RPS6KC1: variants seen among roughly 807,000 people sequenced by gnomAD.
The protein encoded by RPS6KC1 is inactive ribosomal protein S6 kinase delta-1.
RPS6KC1 carries 54 observed loss-of-function variants against 103.8 expected under a neutral mutation model. That is an observed-to-expected ratio of 0.52 (90% CI 0.42 to 0.65). The LOEUF (loss-of-function observed/expected upper bound fraction) is 0.65, where lower values mean the gene tolerates loss of function less well. Ranked by LOEUF, RPS6KC1 falls within the 30% of genes least tolerant of loss-of-function variation. RPS6KC1 has a pLI of 0.00. For synonymous variants in RPS6KC1, 439 were observed against 438.7 expected (o/e 1.00, Z -0.01); for missense variants, 1,151 against 1,253.8 (o/e 0.92, Z 1.24).
chr1:213,122,419 A>C (rs911657704), intron 5 of RPS6KC1, among the ~76,000 whole-genome samples: 2 of 152,056 alleles, frequency 1.3e-5, no homozygotes, highest in Non-Finnish European at 2.9e-5. Flanking sequence ...TATTTGTGTT[A>C]TTTTCATTTA....
chr1:213,202,148 T>G (rs1301936260), intron 8 of RPS6KC1, among the ~76,000 whole-genome samples: 1 of 152,206 alleles, frequency 6.6e-6, no homozygotes, highest in Non-Finnish European at 1.5e-5. Flanking sequence ...CAGGTCTCTT[T>G]CCAAAACTAT....
the RPS6KC1 span, among the ~76,000 whole-genome samples, chr1:213,593,398 A>G: frequency 1.3e-3 from 200 of 152,332 alleles, 1 homozygote; most frequent in Middle Eastern, 3.4e-3. Flanking sequence ...AGGCTACTGC[A>G]ATAGTCCAGG....
At chr1:213,142,115 C>A (rs2087125311) in intron 6 of RPS6KC1, among the ~76,000 whole-genome samples, 1 of 152,038 alleles carries the variant, frequency 6.6e-6, no homozygotes. Context: ...AACCCTTTAT[C>A]ATTATGTAAT....
At chr1:213,754,094 C>T in the RPS6KC1 span, among the ~76,000 whole-genome samples, 1 of 152,170 alleles carries the variant, frequency 6.6e-6, no homozygotes, top group South Asian at 2.1e-4. Context: ...GTCCTGGTGG[C>T]TGTATTTGTC....
the RPS6KC1 span, among the ~76,000 whole-genome samples, chr1:213,516,946 T>C: frequency 7.4e-4 from 112 of 152,180 alleles, 2 homozygotes; most frequent in Non-Finnish European, 1.9e-4. Flanking sequence ...TCTTCCTGGT[T>C]TAGTCTTGGG....
the RPS6KC1 span, among the ~76,000 whole-genome samples, chr1:213,475,555 G>A: frequency 2.0e-5 from 3 of 152,088 alleles, no homozygotes; most frequent in Non-Finnish European, 4.4e-5. Flanking sequence ...AGAACATGCC[G>A]GTGGAGCTGC....
At chr1:213,170,919 T>C (rs1238577612) in intron 7 of RPS6KC1, among the ~76,000 whole-genome samples, 2 of 152,202 alleles carry the variant, frequency 1.3e-5, no homozygotes, top group African/African-American at 4.8e-5. Context: ...CCCCTTTAGC[T>C]CAAATTTGGT....
At chr1:213,725,069 TC>T in the RPS6KC1 span, among the ~76,000 whole-genome samples, 2 of 152,236 alleles carry the variant, frequency 1.3e-5, no homozygotes, top group African/African-American at 4.8e-5. Flanking sequence ...CACTTTTTTG[TC>T]TTTTACTAAA....
the RPS6KC1 span, among the ~76,000 whole-genome samples, chr1:213,399,232 T>C: frequency 2.0e-5 from 3 of 152,188 alleles, no homozygotes; most frequent in Non-Finnish European, 2.9e-5. Context: ...GGAGTTCTAC[T>C]TAGCAGGGAA....
the RPS6KC1 span, among the ~76,000 whole-genome samples, chr1:213,678,275 G>T: frequency 2.0e-5 from 3 of 152,220 alleles, no homozygotes; most frequent in Non-Finnish European, 2.9e-5. Flanking sequence ...GGAAACATGT[G>T]TTCAGAAGCT....
the RPS6KC1 span, among the ~76,000 whole-genome samples, chr1:213,655,349 A>G: frequency 2.0e-5 from 3 of 152,136 alleles, no homozygotes; most frequent in South Asian, 4.1e-4. Context: ...AGCCTATGGT[A>G]TATTTCTATC....
intron 1 of RPS6KC1, among the ~76,000 whole-genome samples, chr1:213,068,514 C>G (rs1372215775): frequency 2.1e-5 from 2 of 94,706 alleles, no homozygotes; most frequent in African/African-American, 8.0e-5. Context: ...AAAAAAGAAA[C>G]ACTTATAAGA....
chr1:213,553,354 C>T, the RPS6KC1 span, among the ~76,000 whole-genome samples: 1 of 152,180 alleles, frequency 6.6e-6, no homozygotes, highest in Non-Finnish European at 1.5e-5. Flanking sequence ...TTCTTTATGG[C>T]TGCATAGTAT....
At chr1:213,846,591 A>G in the RPS6KC1 span, among the ~76,000 whole-genome samples, 1 of 152,210 alleles carries the variant, frequency 6.6e-6, no homozygotes, top group African/African-American at 2.4e-5. Flanking sequence ...CAAAACATCA[A>G]GATATAGTAA....
At chr1:213,448,899 C>G in the RPS6KC1 span, among the ~76,000 whole-genome samples, 1 of 152,140 alleles carries the variant, frequency 6.6e-6, no homozygotes, top group Non-Finnish European at 1.5e-5. Flanking sequence ...CTGTCCCTGA[C>G]CCCCAGGGTT....
chr1:213,201,845 A>G (rs2093174585), intron 8 of RPS6KC1, among the ~76,000 whole-genome samples: 1 of 152,166 alleles, frequency 6.6e-6, no homozygotes, highest in Non-Finnish European at 1.5e-5. Context: ...AAATTGTGAT[A>G]CTATAGTTGA....
chr1:213,434,179 T>C, the RPS6KC1 span, among the ~76,000 whole-genome samples: 4 of 152,278 alleles, frequency 2.6e-5, no homozygotes, highest in Middle Eastern at 3.4e-3. Flanking sequence ...TAGTTGCTAT[T>C]TCCATCTGGT....
the RPS6KC1 span, among the ~76,000 whole-genome samples, chr1:213,602,052 CTTTCTCTT>C: frequency 6.4e-5 from 4 of 62,780 alleles, no homozygotes; most frequent in East Asian, 1.9e-3. Flanking sequence ...TTCTTTCTTT[CTTTCTCTT>C]TCTTTCTTTC....
At chr1:213,172,315 T>C (rs1440756849) in intron 7 of RPS6KC1, among the ~76,000 whole-genome samples, 4 of 152,038 alleles carry the variant, frequency 2.6e-5, no homozygotes, top group African/African-American at 9.7e-5. Context: ...CAAAGCCTTT[T>C]AAAGAATGTA....
Sources: gnomAD v4.1 joint callset for allele counts (sites outside exome capture counted in the v4.1 genomes callset) on GRCh38, gnomAD v4.1.1 for gene constraint, MANE v1.5 for transcripts, NCBI Gene and HGNC (gene_info 2026-07-23, HGNC 2026-07-21) for gene names.